SEC14L4: variants seen among roughly 807,000 people sequenced by gnomAD.
SEC14L4 encodes SEC14 like lipid binding 4.
In SEC14L4, 42 loss-of-function variants were observed where a neutral mutation model predicts 55.1. That is an observed-to-expected ratio of 0.76 (90% CI 0.60 to 0.99). SEC14L4 has a LOEUF of 0.99. SEC14L4 is among the 50% of genes least tolerant of loss of function. SEC14L4 has a pLI of 0.00. For synonymous variants in SEC14L4, 206 were observed against 206.8 expected, an observed-to-expected ratio of 1.00 and a Z score of 0.03; for missense variants, 445 against 512.1, an observed-to-expected ratio of 0.87 and a Z score of 1.27.
intron 7 of SEC14L4, among the ~76,000 whole-genome samples, chr22:30,493,167 C>T (rs1290156642): frequency 6.6e-6 from 1 of 151,896 alleles, no homozygotes; most frequent in African/African-American, 2.4e-5. Flanking sequence ...TGGGCACAAG[C>T]TGGCTCTAGG....
chr22:30,497,131 G>T (rs766935520), intron 2 of SEC14L4, among the ~76,000 whole-genome samples: 2 of 152,240 alleles, frequency 1.3e-5, no homozygotes, highest in South Asian at 4.2e-4. Context: ...TTGAGGTCAG[G>T]AGTTCAAGAC....
chr22:30,495,229 GC>G, intron 5 of SEC14L4, 24 bp downstream of exon 5: 1 of 1,572,778 alleles, frequency 6.4e-7, no homozygotes, highest in Non-Finnish European at 8.6e-7. Context: ...GACAGATGAG[GC>G]CCAGCCCCAC....
intron 2 of SEC14L4, among the ~76,000 whole-genome samples, chr22:30,501,886 CT>C (rs1297528642): frequency 1.0e-4 from 9 of 88,524 alleles, no homozygotes; most frequent in Admixed American, 1.2e-4. Flanking sequence ...CATACACATA[CT>C]TTTTTTTTTA....
At chr22:30,492,955 A>G (rs759886034) in intron 7 of SEC14L4, among the ~76,000 whole-genome samples, 10 of 152,040 alleles carry the variant, frequency 6.6e-5, no homozygotes, top group Non-Finnish European at 1.0e-4. Flanking sequence ...GTAGTGGTGC[A>G]TGCTTGTAAT....
In SEC14L4 at chr22:30,489,748, G is replaced by A. The variant is rs1935890317; in HGVS notation, c.*359C>T. ...GGAACCACGCACACCCCCTGAAGCT[G>A]GAACACCAGGCATGGGTGAGTCCTG... is the stretch of plus-strand genomic sequence containing the variant. On this transcript the variant is annotated 3_prime_UTR_variant, in exon 12 of 12. Transcript: ENST00000255858. 1.1e-5 allele frequency: 11 copies of A among 992,784 alleles called. No homozygotes were observed. In the South Asian group the frequency reaches 1.1e-4, roughly 10 times the overall value. 61.5% of individuals were successfully genotyped at this position (992,784 alleles called of 1,614,324 possible).
chr22:30,499,656 T>A (rs771364244), intron 2 of SEC14L4, among the ~76,000 whole-genome samples: 1 of 150,990 alleles, frequency 6.6e-6, no homozygotes, highest in Non-Finnish European at 1.5e-5. Context: ...CGAGAATCAC[T>A]TGAACCTGGG....
At position 30,495,345 on chromosome 22, in the gene SEC14L4, A is replaced by G; in HGVS notation, c.332T>C (p.Leu111Pro). ...NIIGSLDPKG[L>P]LLSASKQDMI... ...ATCCTGCTTGGAGGCTGACAGCAGG[A>G]GACCCTTGGGGTCGAGGGACCCAAT... The change falls in exon 5 of 12, where the codon CTC becomes CCC. Residue 111 changes from leucine (L) to proline (P), a missense_variant. Leu to Pro is a moderately conservative substitution (Grantham distance 98, BLOSUM62 -3). Transcript: ENST00000255858. 1.2e-6 allele frequency: 2 copies of G among 1,614,110 alleles called. No homozygotes were observed. The highest frequency in any genetic ancestry group is 1.7e-6 in the Non-Finnish European group (2 of 1,180,030).
In SEC14L4 at chr22:30,492,166, G is replaced by A. The variant is rs755670528; in HGVS notation, c.665-11C>T. ...CCTGCTTCCAGTTGTCTGCATGGGA[G>A]CAAGAGAGGGACTCCAAAGGGACTC... On this transcript the variant is annotated splice_polypyrimidine_tract_variant and intron_variant, in intron 8 of 11. Coordinates refer to ENST00000255858, the MANE Select transcript of SEC14L4 (RefSeq NM_174977.4). 3.8e-6 allele frequency: 6 copies of A among 1,599,994 alleles called. No individual in the cohort carries two copies. In the South Asian group the frequency reaches 4.5e-5, roughly 12 times the overall value.
At chr22:30,491,482 A>AT in intron 11 of SEC14L4, 91 bp downstream of exon 11, 2 of 1,499,756 alleles carry the variant, frequency 1.3e-6, no homozygotes, top group Middle Eastern at 1.8e-4. Context: ...GCTTACAGAG[A>AT]TCCCCCCACC....
At chr22:30,498,273 C>T (rs1029054384) in intron 2 of SEC14L4, among the ~76,000 whole-genome samples, 36 of 152,110 alleles carry the variant, frequency 2.4e-4, no homozygotes, top group African/African-American at 8.7e-4. Flanking sequence ...CAGGCATGCA[C>T]CGCCATGCCT....
In SEC14L4 at chr22:30,490,156, T is replaced by C; in HGVS notation, c.1172A>G (p.Glu391Gly). ...CGCCTTGAGACTCTGCAGCGTCTCCTCAGAGGCCTTGTCGGGAAGCAGCAC... is the reference window on the plus strand; with the variant it reads ...CGCCTTGAGACTCTGCAGCGTCTCCCCAGAGGCCTTGTCGGGAAGCAGCAC... ...VEVLLPDKAS[E>G]ETLQSLKAMR... The change falls in exon 12 of 12, where the codon GAG becomes GGG. Residue 391 changes from glutamate (E) to glycine (G), a missense_variant. Glu to Gly is a moderately conservative substitution (Grantham distance 98). Transcript: ENST00000255858. The C allele has an allele frequency of 5.6e-6, 9 of 1,614,006 alleles. No individual in the cohort carries two copies. In the East Asian group the frequency reaches 2.0e-4, roughly 36 times the overall value.
intron 4 of SEC14L4, 46 bp downstream of exon 4, chr22:30,495,537 G>T (rs751606498): frequency 6.2e-7 from 1 of 1,611,238 alleles, no homozygotes; most frequent in Non-Finnish European, 8.5e-7. Flanking sequence ...GAGATGTCAG[G>T]GGTGAGGGGC....
chr22:30,502,556 T>C (rs548205693), intron 2 of SEC14L4, among the ~76,000 whole-genome samples: 1 of 152,196 alleles, frequency 6.6e-6, no homozygotes, highest in East Asian at 1.9e-4. Flanking sequence ...GCAGTGTCTG[T>C]TATTATTATT....
In SEC14L4 at chr22:30,489,766, G is replaced by A. The variant is rs1935890740; in HGVS notation, c.*341C>T. ...TGAAGCTGGAACACCAGGCATGGGT[G>A]AGTCCTGGGTGGCTGGATCTTGTCA... On this transcript the variant is annotated 3_prime_UTR_variant, in exon 12 of 12. Transcript: ENST00000255858. 8.6e-7 allele frequency: 1 copy of A among 1,156,894 alleles called. No homozygotes were observed. The highest frequency in any genetic ancestry group is 1.3e-6 in the Non-Finnish European group (1 of 787,146). 71.7% of individuals were successfully genotyped at this position (1,156,894 alleles called of 1,614,324 possible).
chr22:30,493,684 C>T (rs1396636138), intron 7 of SEC14L4, among the ~76,000 whole-genome samples: 1 of 152,152 alleles, frequency 6.6e-6, no homozygotes, highest in Non-Finnish European at 1.5e-5. Flanking sequence ...ACAAAAATAT[C>T]AGTCTGTGAA....
chr22:30,496,562 C>G (rs570417343), intron 2 of SEC14L4, among the ~76,000 whole-genome samples: 5 of 139,818 alleles, frequency 3.6e-5, no homozygotes, highest in African/African-American at 1.4e-4. Flanking sequence ...AGCAGAGACA[C>G]CCCCCCCCAC....
chr22:30,503,857 A>G, intron 1 of SEC14L4, 105 bp from the exon 2 acceptor site: 1 of 818,374 alleles, frequency 1.2e-6, no homozygotes, highest in African/African-American at 1.7e-5. Flanking sequence ...ACTCCACCAG[A>G]AGACCATGCA....
rs781656131 is a variant in SEC14L4 at position 30,495,768 on chromosome 22, A to T, written c.175-126T>A. 5.0e-6 allele frequency: 8 copies of T among 1,603,354 alleles called. No individual in the cohort carries two copies. The African/African-American group carries it at 8.0e-5, about 16-fold the overall frequency. On this transcript the variant is annotated intron_variant, in intron 3 of 11. Coordinates refer to ENST00000255858, the MANE Select transcript of SEC14L4 (RefSeq NM_174977.4). Reference sequence around the variant, plus strand: ...CAGGCTCTCAGAGCGTGGGGACAGGAGGTGGGCTGGGGGGACTTGGGTCTG... The same window carrying T: ...CAGGCTCTCAGAGCGTGGGGACAGGTGGTGGGCTGGGGGGACTTGGGTCTG...
At chr22:30,497,145 C>T (rs1202369423) in intron 2 of SEC14L4, among the ~76,000 whole-genome samples, 1 of 152,112 alleles carries the variant, frequency 6.6e-6, no homozygotes, top group African/African-American at 2.4e-5. Flanking sequence ...TCAAGACCAG[C>T]CTGGGCAATA....
Sources: gnomAD v4.1 joint callset for allele counts (sites outside exome capture counted in the v4.1 genomes callset) on GRCh38, gnomAD v4.1.1 for gene constraint, MANE v1.5 for transcripts, NCBI Gene and HGNC (gene_info 2026-07-23, HGNC 2026-07-21) for gene names.